The following ITGA9 variants were observed in gnomAD, a reference collection of about 807,000 sequenced individuals.
The protein encoded by ITGA9 is integrin subunit alpha 9.
ITGA9 carries 56 observed loss-of-function variants against 127.8 expected under a neutral mutation model. The observed-to-expected ratio is 0.44, with a 90% CI of 0.35 to 0.55. The LOEUF (loss-of-function observed/expected upper bound fraction) is 0.55. Ranked by LOEUF, ITGA9 falls within the 20% of genes least tolerant of loss-of-function variation. The pLI, the probability that ITGA9 is intolerant of heterozygous loss-of-function variation, is 0.00. For synonymous variants in ITGA9, 508 were observed against 514.5 expected (o/e 0.99, Z 0.17); for missense variants, 1,196 against 1,347.1 (o/e 0.89, Z 1.76).
intron 15 of ITGA9, among the ~76,000 whole-genome samples, chr3:37,626,269 C>T (rs1700175306): frequency 6.6e-6 from 1 of 152,150 alleles, no homozygotes; most frequent in African/African-American, 2.4e-5. Flanking sequence ...ATTTTATGGA[C>T]AGCAAGAAAA....
In ITGA9 at chr3:37,809,076, G is replaced by A. The variant is rs776508118; in HGVS notation, c.3009+5134G>A. ...CACATACATGATGTTCGAAATATGG[G>A]CAAAATCTTTTCTTTTTTTTTTTTT... On this transcript the variant is annotated intron_variant, in intron 27 of 27. Coordinates refer to ENST00000264741, the MANE Select transcript of ITGA9 (RefSeq NM_002207.3). Among the ~76,000 whole-genome samples, 367 of 151,318 alleles carry A rather than the reference G, an allele frequency of 2.4e-3. 1 individual carries two copies. Among genetic ancestry groups the A allele is most frequent in the Non-Finnish European group, 3.8e-3 (261 of 67,880 alleles).
chr3:37,755,872 T>C (rs1028003156), intron 23 of ITGA9, among the ~76,000 whole-genome samples: 1 of 151,862 alleles, frequency 6.6e-6, no homozygotes, highest in African/African-American at 2.4e-5. Context: ...TGTTTAAATA[T>C]GTAAAATTTT....
At chr3:37,575,121 G>A (rs1227481721) in intron 15 of ITGA9, among the ~76,000 whole-genome samples, 1 of 152,042 alleles carries the variant, frequency 6.6e-6, no homozygotes, top group Non-Finnish European at 1.5e-5. Context: ...AAGTTTATAC[G>A]ACCACAGATG....
intron 25 of ITGA9, among the ~76,000 whole-genome samples, chr3:37,783,874 T>C (rs910001663): frequency 6.6e-6 from 1 of 152,232 alleles, no homozygotes; most frequent in African/African-American, 2.4e-5. Context: ...CCAAGTCACA[T>C]ATACAGACCA....
chr3:37,519,153 A>G, intron 10 of ITGA9, 107 bp from the exon 11 acceptor site: 1 of 793,042 alleles, frequency 1.3e-6, no homozygotes, highest in Non-Finnish European at 2.2e-6. Flanking sequence ...ATCAACAACC[A>G]ATAATTTCTG....
chr3:37,536,117 A>C (rs907285255), intron 14 of ITGA9, among the ~76,000 whole-genome samples: 3 of 152,192 alleles, frequency 2.0e-5, no homozygotes, highest in Admixed American at 6.5e-5. Flanking sequence ...AAAGATGGGC[A>C]CTTCCAGGAC....
intron 1 of ITGA9, among the ~76,000 whole-genome samples, chr3:37,467,572 A>AG (rs1467230477): frequency 2.0e-5 from 3 of 152,200 alleles, no homozygotes; most frequent in African/African-American, 7.2e-5. Flanking sequence ...CCAGTTTGGG[A>AG]GACACAGTGG....
At chr3:37,717,835 A>G (rs921288734) in intron 18 of ITGA9, among the ~76,000 whole-genome samples, 9 of 152,216 alleles carry the variant, frequency 5.9e-5, no homozygotes, top group African/African-American at 1.9e-4. Flanking sequence ...GTAGTCCAGT[A>G]TTGGATTCCA....
intron 23 of ITGA9, among the ~76,000 whole-genome samples, chr3:37,768,440 G>A (rs1233404283): frequency 1.3e-5 from 2 of 152,186 alleles, no homozygotes; most frequent in Non-Finnish European, 2.9e-5. Flanking sequence ...TGCCGGAATA[G>A]GGGCTTACTG....
chr3:37,530,608 C>T (rs13316188), intron 13 of ITGA9, among the ~76,000 whole-genome samples: 1 of 151,936 alleles, frequency 6.6e-6, no homozygotes, highest in East Asian at 1.9e-4. Context: ...GGCCAAGGCA[C>T]CTTGAGCAAC....
At chr3:37,742,849 C>T (rs900731012) in intron 21 of ITGA9, among the ~76,000 whole-genome samples, 3 of 152,182 alleles carry the variant, frequency 2.0e-5, no homozygotes, top group African/African-American at 7.2e-5. Flanking sequence ...ACATGAGGTA[C>T]TGATGGAATA....
intron 20 of ITGA9, among the ~76,000 whole-genome samples, chr3:37,738,079 T>A (rs1043112047): frequency 2.6e-5 from 4 of 152,248 alleles, no homozygotes; most frequent in Admixed American, 2.6e-4. Context: ...ATGCCAGTTA[T>A]CCCAATAATG....
intron 20 of ITGA9, among the ~76,000 whole-genome samples, chr3:37,740,773 C>T (rs1696423733): frequency 6.6e-6 from 1 of 152,212 alleles, no homozygotes; most frequent in Admixed American, 6.5e-5. Flanking sequence ...CCCTCATGTT[C>T]ACCTTTCCAG....
At chr3:37,458,254 A>G (rs1031195002) in intron 1 of ITGA9, among the ~76,000 whole-genome samples, 2 of 152,224 alleles carry the variant, frequency 1.3e-5, no homozygotes, top group Non-Finnish European at 2.9e-5. Context: ...GGCCCACCCC[A>G]GCCTGAGAGA....
rs558181550 is a variant in ITGA9 at position 37,618,609 on chromosome 3, C to G, written c.1690-10578C>G. Among the ~76,000 whole-genome samples the G allele has an allele frequency of 6.6e-5, 10 of 152,364 alleles. No individual in the cohort carries two copies. In the South Asian group the frequency reaches 2.1e-3, roughly 32 times the overall value. On this transcript the variant is annotated intron_variant, in intron 15 of 27. Transcript: ENST00000264741. ...CCTCCTTGAGCTCCGGTAGGCTCCA[C>G]TCAGTTCGAGCTTCTCAGCCACTTT...
chr3:37,639,083 C>T (rs1457456680), intron 16 of ITGA9, among the ~76,000 whole-genome samples: 1 of 152,100 alleles, frequency 6.6e-6, no homozygotes, highest in East Asian at 1.9e-4. Flanking sequence ...TGCTACAAGC[C>T]TCCGTACATA....
Position 37,823,307 on chromosome 3 carries a change from C to G in ITGA9, c.*4318C>G, listed in dbSNP as rs2125572319. The G allele has an allele frequency of 6.6e-6, 1 of 152,300 alleles. No individual in the cohort carries two copies. The highest frequency in any genetic ancestry group is 2.1e-4 in the South Asian group (1 of 4,830). The allele number at this position is 152,300 out of a possible 1,614,324, so 9.4% of individuals were successfully genotyped here. A position where few individuals can be genotyped will look rare whatever the true frequency, so the allele number is the denominator to read the frequency against. On this transcript the variant is annotated 3_prime_UTR_variant, in exon 28 of 28. Coordinates refer to ENST00000264741, the MANE Select transcript of ITGA9 (RefSeq NM_002207.3). ...ATTAATTGCTTGGCAGGCACCCACG[C>G]TATCTGCATTTCCAGAACTTTACTG...
intron 9 of ITGA9, among the ~76,000 whole-genome samples, chr3:37,516,365 T>C (rs1307929412): frequency 6.6e-6 from 1 of 152,176 alleles, no homozygotes; most frequent in Admixed American, 6.5e-5. Flanking sequence ...TTTTGCCATG[T>C]CCTAGCCTGT....
At chr3:37,743,542 C>T (rs1056114202) in intron 21 of ITGA9, among the ~76,000 whole-genome samples, 1 of 152,208 alleles carries the variant, frequency 6.6e-6, no homozygotes, top group Admixed American at 6.5e-5. Flanking sequence ...ATGCCAAATA[C>T]ATAACTCATT....
Sources: gnomAD v4.1 joint callset for allele counts (sites outside exome capture counted in the v4.1 genomes callset) on GRCh38, gnomAD v4.1.1 for gene constraint, MANE v1.5 for transcripts, NCBI Gene and HGNC (gene_info 2026-07-23, HGNC 2026-07-21) for gene names.